PAK4: variants seen among roughly 807,000 people sequenced by gnomAD.
The protein encoded by PAK4 is p21 (RAC1) activated kinase 4.
PAK4 carries 49 observed loss-of-function variants against 53.5 expected under a neutral mutation model. That is an observed-to-expected ratio of 0.92 (90% CI 0.73 to 1.16). PAK4 has a LOEUF of 1.16. Ranked by LOEUF, PAK4 falls within the 50% of genes most tolerant of loss-of-function variation. The pLI is 0.00. For missense variants in PAK4, 824 were observed against 850.7 expected (o/e 0.97, Z 0.39); for synonymous variants, 376 against 375.6 (o/e 1.00, Z -0.01).
At chr19:39,157,783 G>A (rs967470003) in intron 1 of PAK4, among the ~76,000 whole-genome samples, 3 of 152,224 alleles carry the variant, frequency 2.0e-5, no homozygotes, top group Admixed American at 6.5e-5. Context: ...CCGGCTAGCC[G>A]GGAAGTTTTC....
At chr19:39,152,235 T>C (rs1353904919) in intron 1 of PAK4, 1 of 152,120 alleles carries the variant, frequency 6.6e-6, no homozygotes, top group African/African-American at 2.4e-5. Context: ...CACAGCCTCG[T>C]GATGAAATCT....
chr19:39,136,085 T>TCTTCCTCGTCACCCCC (rs1478456295), intron 1 of PAK4, among the ~76,000 whole-genome samples: 1 of 117,496 alleles, frequency 8.5e-6, no homozygotes, highest in Non-Finnish European at 1.7e-5. Flanking sequence ...TTGTCACCCC[T>TCTTCCTCGTCACCCCC]CTTCCTCGTC....
intron 1 of PAK4, among the ~76,000 whole-genome samples, chr19:39,134,392 G>A (rs910647273): frequency 1.3e-5 from 2 of 152,162 alleles, no homozygotes; most frequent in Admixed American, 6.5e-5. Flanking sequence ...CCTGACCTTG[G>A]TGGTCACTGT....
At chr19:39,164,398 G>T (rs1244980773) in intron 1 of PAK4, among the ~76,000 whole-genome samples, 1 of 152,090 alleles carries the variant, frequency 6.6e-6, no homozygotes, top group African/African-American at 2.4e-5. Flanking sequence ...CAGGAGCAGG[G>T]CTTGTGAGCA....
chr19:39,134,032 C>T (rs761954593), intron 1 of PAK4, among the ~76,000 whole-genome samples: 2 of 152,150 alleles, frequency 1.3e-5, no homozygotes, highest in Non-Finnish European at 2.9e-5. Flanking sequence ...CACAGGAGGC[C>T]CCTGTCCTTC....
intron 1 of PAK4, among the ~76,000 whole-genome samples, chr19:39,141,468 A>G (rs2073908565): frequency 6.6e-6 from 1 of 150,826 alleles, no homozygotes; most frequent in South Asian, 2.1e-4. Context: ...GGCGTGTGCC[A>G]TGATGCCCGG....
At chr19:39,127,399 A>G (rs2073607378) in intron 1 of PAK4, among the ~76,000 whole-genome samples, 1 of 150,838 alleles carries the variant, frequency 6.6e-6, no homozygotes, top group Admixed American at 6.6e-5. Context: ...CGGGTCGCTC[A>G]CTCTCAGCTG....
exon 9 of PAK4, chr19:39,179,301 A>G (rs984249544): frequency 1.3e-5 from 2 of 152,592 alleles, no homozygotes; most frequent in African/African-American, 4.8e-5. Flanking sequence ...TGGCCCTGGC[A>G]GAACCACTGC....
intron 1 of PAK4, among the ~76,000 whole-genome samples, chr19:39,164,277 CAAAAAAAAA>C (rs57848634): frequency 1.3e-5 from 1 of 77,750 alleles, no homozygotes; most frequent in East Asian, 3.3e-4. Context: ...AACTCTGTCT[CAAAAAAAAA>C]AAAAAAAAAA....
Position 39,175,163 on chromosome 19 carries a change from C to G in PAK4, c.1232+99C>G. The G allele has an allele frequency of 2.0e-6, 3 of 1,511,520 alleles. No homozygotes were observed. Among genetic ancestry groups the G allele is most frequent in the South Asian group, 2.5e-5 (2 of 79,826 alleles). 93.6% of individuals were successfully genotyped at this position (1,511,520 alleles called of 1,614,324 possible). A position where few individuals can be genotyped will look rare whatever the true frequency, so the allele number is the denominator to read the frequency against. On this transcript the variant is annotated intron_variant, in intron 5 of 8. Transcript: ENST00000358301. This position sits in a 1 kb window ranked among gnomAD's most constrained non-coding sequence, Gnocchi z 4.7. ...CTCCAAACCAGCTGTGCTCCGGGCC[C>G]CTGGGATGGGGTCGTGTCTTCCATT...
At chr19:39,157,571 G>A (rs2074207125) in intron 1 of PAK4, among the ~76,000 whole-genome samples, 1 of 152,184 alleles carries the variant, frequency 6.6e-6, no homozygotes, top group Non-Finnish European at 1.5e-5. Context: ...TGAAGTCTCA[G>A]AAGCTCCCTC....
intron 1 of PAK4, among the ~76,000 whole-genome samples, chr19:39,158,261 G>A (rs1455926656): frequency 1.3e-5 from 2 of 152,240 alleles, no homozygotes; most frequent in East Asian, 3.9e-4. Flanking sequence ...GAGCATGCAT[G>A]TGTTGCGGGA....
At chr19:39,151,679 A>G (rs866724387) in intron 1 of PAK4, among the ~76,000 whole-genome samples, 4 of 152,236 alleles carry the variant, frequency 2.6e-5, no homozygotes, top group African/African-American at 9.6e-5. Context: ...CAAGACCCAC[A>G]TATATATGCA....
chr19:39,171,875 C>T lies in PAK4; in HGVS notation c.205-1043C>T, dbSNP rs372267628. 7.9e-5 allele frequency among the ~76,000 whole-genome samples: 12 copies of T among 152,318 alleles called. No homozygotes were observed. The East Asian group carries it at 1.9e-3, about 25-fold the overall frequency. ...GTGGTTTAGCAAAAGTTCACTGAGC[C>T]CCTGCTGTGCGCCAGATGCTGGTCT... On this transcript the variant is annotated intron_variant, in intron 2 of 8. Transcript: ENST00000358301.
chr19:39,158,000 TCATG>T (rs1283110993), intron 1 of PAK4, among the ~76,000 whole-genome samples: 3 of 152,160 alleles, frequency 2.0e-5, no homozygotes, highest in African/African-American at 7.2e-5. Context: ...TGTCTAGGGA[TCATG>T]CATGTGTGTA....
chr19:39,137,492 A>G (rs1040663367), intron 1 of PAK4, among the ~76,000 whole-genome samples: 3 of 152,084 alleles, frequency 2.0e-5, no homozygotes, highest in Non-Finnish European at 4.4e-5. Flanking sequence ...CATTTCACAG[A>G]TTGGGAGGTG....
At chr19:39,182,206 A>G (rs762271649), downstream of PAK4, 1 of 152,130 alleles carries the variant, frequency 6.6e-6, no homozygotes, top group Non-Finnish European at 1.5e-5. Flanking sequence ...CGTATTAGAG[A>G]ATTCCTTATG....
At chr19:39,165,899 G>T (rs1053669591) in intron 1 of PAK4, among the ~76,000 whole-genome samples, 1 of 152,176 alleles carries the variant, frequency 6.6e-6, no homozygotes, top group Non-Finnish European at 1.5e-5. Flanking sequence ...GGTTAATGAG[G>T]TCCCCCTCTG....
intron 1 of PAK4, among the ~76,000 whole-genome samples, chr19:39,159,335 G>A (rs936084122): frequency 6.6e-6 from 1 of 152,176 alleles, no homozygotes. Flanking sequence ...GGACTATAAG[G>A]ACAAAGGTAA....
Sources: allele counts gnomAD v4.1 joint callset (sites outside exome capture counted in the v4.1 genomes callset), GRCh38; gene constraint gnomAD v4.1.1; non-coding constraint Gnocchi (gnomAD v3.1); transcripts MANE v1.5; gene names NCBI Gene and HGNC (gene_info 2026-07-23, HGNC 2026-07-21).